The following BANF2 variants were observed in gnomAD, a reference collection of about 807,000 sequenced individuals.
BANF2 encodes the protein barrier-to-autointegration factor-like protein.
Under a neutral mutation model 8.0 loss-of-function variants are expected in BANF2, and 4 were observed. The observed-to-expected ratio is 0.50, with a 90% CI of 0.25 to 1.14. The LOEUF is 1.14. Ranked by LOEUF, BANF2 falls within the 50% of genes most tolerant of loss-of-function variation. The pLI, the probability that BANF2 is intolerant of heterozygous loss-of-function variation, is 0.16. For synonymous variants in BANF2, 50 were observed against 40.6 expected (o/e 1.23, Z -0.88); for missense variants, 96 against 107.5 (o/e 0.89, Z 0.47).
chr20:17,725,016 G>C lies in BANF2; in HGVS notation c.-3-7G>C. On this transcript the variant is annotated splice_region_variant and splice_polypyrimidine_tract_variant and intron_variant, in intron 2 of 3. Transcript: ENST00000246090. Reference sequence around the variant, plus strand: ...CTAATCCTCCTCTCTCCCCACTGCTGTCGCAGGAGATGGACAACATGTCTC... The same window carrying C: ...CTAATCCTCCTCTCTCCCCACTGCTCTCGCAGGAGATGGACAACATGTCTC... 6.2e-7 allele frequency: 1 copy of C among 1,605,126 alleles called. No individual in the cohort carries two copies. The highest frequency in any genetic ancestry group is 1.8e-4 in the Middle Eastern group (1 of 5,614).
intron 1 of BANF2, among the ~76,000 whole-genome samples, chr20:17,721,580 C>T (rs1045025571): frequency 2.0e-5 from 3 of 151,888 alleles, no homozygotes; most frequent in African/African-American, 2.4e-5. Flanking sequence ...TTAGTAGAGA[C>T]GGGGTTTCAC....
At chr20:17,733,090 A>G (rs1245914238) in intron 3 of BANF2, among the ~76,000 whole-genome samples, 1 of 152,214 alleles carries the variant, frequency 6.6e-6, no homozygotes, top group Non-Finnish European at 1.5e-5. Flanking sequence ...TTCCTGTAGC[A>G]TTCCTGGAAA....
intron 1 of BANF2, chr20:17,712,496 C>T: frequency 4.1e-6 from 4 of 980,670 alleles, no homozygotes; most frequent in Non-Finnish European, 4.8e-6. Flanking sequence ...CTGACTCTAC[C>T]CACTGGAATC....
At chr20:17,721,655 G>T (rs758371865) in intron 1 of BANF2, among the ~76,000 whole-genome samples, 1 of 152,156 alleles carries the variant, frequency 6.6e-6, no homozygotes, top group Non-Finnish European at 1.5e-5. Context: ...GCCTCCCAAA[G>T]TGCTGCGATT....
At chr20:17,700,763 G>A (rs540366654) in intron 1 of BANF2, among the ~76,000 whole-genome samples, 15 of 152,190 alleles carry the variant, frequency 9.9e-5, no homozygotes, top group African/African-American at 2.9e-4. Context: ...ACCTGCACTC[G>A]GCTGAGGGTG....
At chr20:17,725,294 C>T (rs765119595) in intron 3 of BANF2, 143 bp downstream of exon 3, 147 of 1,042,538 alleles carry the variant, frequency 1.4e-4, no homozygotes, top group Non-Finnish European at 1.0e-4. Context: ...CACATGCTTT[C>T]GTGCTATTGA....
upstream of BANF2, chr20:17,699,932 T>C: frequency 1.0e-6 from 1 of 958,786 alleles, no homozygotes; most frequent in Non-Finnish European, 1.2e-6. Context: ...TGTAGTCCAT[T>C]CAGGATCTTG....
intron 2 of BANF2, among the ~76,000 whole-genome samples, chr20:17,724,601 T>C (rs1568817317): frequency 1.3e-5 from 2 of 152,258 alleles, no homozygotes; most frequent in Non-Finnish European, 1.5e-5. Flanking sequence ...TACACTATTA[T>C]ACAGTGTGAT....
At chr20:17,709,046 A>T (rs758085138) in intron 1 of BANF2, among the ~76,000 whole-genome samples, 6 of 152,268 alleles carry the variant, frequency 3.9e-5, no homozygotes, top group Non-Finnish European at 7.3e-5. Flanking sequence ...CAATCTGGGA[A>T]ATCCTTTCTT....
At chr20:17,731,497 C>A (rs896068876) in intron 3 of BANF2, 2 of 151,992 alleles carry the variant, frequency 1.3e-5, no homozygotes, top group African/African-American at 4.8e-5. Context: ...CTTGACAAGG[C>A]CCAGCATTAT....
intron 3 of BANF2, among the ~76,000 whole-genome samples, chr20:17,729,962 G>A (rs73900903): frequency 0.065 from 9,859 of 152,268 alleles, 326 homozygotes; most frequent in Middle Eastern, 0.11. Flanking sequence ...CCTGTGGGGC[G>A]GGTGTGCTTG....
chr20:17,715,008 G>A (rs2037630272), intron 1 of BANF2, among the ~76,000 whole-genome samples: 1 of 152,186 alleles, frequency 6.6e-6, no homozygotes, highest in African/African-American at 2.4e-5. Flanking sequence ...ACAAAACATA[G>A]GAAGGAACCA....
At chr20:17,708,125 G>C (rs922071123) in intron 1 of BANF2, among the ~76,000 whole-genome samples, 2 of 151,806 alleles carry the variant, frequency 1.3e-5, no homozygotes, top group African/African-American at 4.8e-5. Context: ...TACTCGAGAG[G>C]CTGAGACAGA....
chr20:17,694,944 C>T (rs1010673158), upstream of BANF2, among the ~76,000 whole-genome samples: 9 of 152,074 alleles, frequency 5.9e-5, no homozygotes, highest in East Asian at 1.9e-4. Flanking sequence ...TGAACATACA[C>T]TATCCTAATT....
At chr20:17,714,479 A>G (rs991665901) in intron 1 of BANF2, among the ~76,000 whole-genome samples, 12 of 152,208 alleles carry the variant, frequency 7.9e-5, no homozygotes, top group Non-Finnish European at 1.8e-4. Flanking sequence ...TTTTATAGAC[A>G]AGGGACAATT....
At position 17,732,300 on chromosome 20, in the gene BANF2, C is replaced by T. The variant is rs566102762; in HGVS notation, c.127-3365C>T. ...GGTGATTCCTCCCCTGCTTGGGGGC[C>T]GGCCCCTGGAGGAACCTCACTGTTT... is the stretch of plus-strand genomic sequence containing the variant. On this transcript the variant is annotated intron_variant, in intron 3 of 3. Coordinates refer to ENST00000246090, the MANE Select transcript of BANF2 (RefSeq NM_178477.5). Among the ~76,000 whole-genome samples, 208 of 152,288 alleles carry T rather than the reference C, an allele frequency of 1.4e-3. 1 individual carries two copies. The highest frequency in any genetic ancestry group is 2.6e-3 in the Non-Finnish European group (176 of 68,012).
intron 1 of BANF2, among the ~76,000 whole-genome samples, chr20:17,701,048 A>G (rs6080786): frequency 0.18 from 28,090 of 152,064 alleles, 3,086 homozygotes; most frequent in African/African-American, 0.3. Context: ...GGTGGATCAG[A>G]GAAATATTTT....
At position 17,717,783 on chromosome 20, in the gene BANF2, C is replaced by T. The variant is rs569142318; in HGVS notation, c.-166-4933C>T. On this transcript the variant is annotated intron_variant, in intron 1 of 3. Transcript: ENST00000246090. ...TTCCCACAGATGCAGATTCCCCTGCCCAACCCCTTGTGACTACTGTCTATA... is the reference window on the plus strand; with the variant it reads ...TTCCCACAGATGCAGATTCCCCTGCTCAACCCCTTGTGACTACTGTCTATA... Among the ~76,000 whole-genome samples, 13 of 152,252 alleles carry T rather than the reference C, an allele frequency of 8.5e-5. No homozygotes were observed. In the South Asian group the frequency reaches 2.7e-3, roughly 32 times the overall value.
chr20:17,699,612 AC>A (rs1376914634), upstream of BANF2, among the ~76,000 whole-genome samples: 1 of 152,220 alleles, frequency 6.6e-6, no homozygotes, highest in African/African-American at 2.4e-5. Flanking sequence ...CACGGAAGTC[AC>A]TTTGTGCAGG....
Sources: gnomAD v4.1 joint callset for allele counts (sites outside exome capture counted in the v4.1 genomes callset) on GRCh38, gnomAD v4.1.1 for gene constraint, MANE v1.5 for transcripts, NCBI Gene and HGNC (gene_info 2026-07-23, HGNC 2026-07-21) for gene names.